The following IL13RA1 variants were observed in gnomAD, a reference collection of about 807,000 sequenced individuals.
IL13RA1 encodes interleukin-13 receptor subunit alpha-1.
A neutral mutation model predicts 33.8 loss-of-function variants in IL13RA1; 14 were observed. The ratio of observed to expected loss-of-function variants is 0.41; its 90% CI spans 0.27 to 0.65. The LOEUF (loss-of-function observed/expected upper bound fraction) is 0.65. Ranked by LOEUF, IL13RA1 falls within the 30% of genes least tolerant of loss-of-function variation. IL13RA1 has a pLI of 0.28. For missense variants in IL13RA1, 313 were observed against 327.0 expected (o/e 0.96, Z 0.33); for synonymous variants, 116 against 115.7 (o/e 1.00, Z -0.02).
intron 10 of IL13RA1, among the ~76,000 whole-genome samples, chrX:118,786,390 C>T (rs192559446): frequency 5.3e-4 from 52 of 97,202 alleles, no homozygotes; most frequent in African/African-American, 1.9e-3. Context: ...GACTCCATCT[C>T]AAAAAAAAAA....
chrX:118,759,387 A>C (rs1324585313), intron 5 of IL13RA1, among the ~76,000 whole-genome samples: 1 of 112,664 alleles, frequency 8.9e-6, no homozygotes, highest in Non-Finnish European at 1.9e-5. Flanking sequence ...CCATTAGCGT[A>C]ATGGTTTATT....
At chrX:118,783,755 TACACAC>T (rs142945515) in intron 10 of IL13RA1, among the ~76,000 whole-genome samples, 1 of 100,922 alleles carries the variant, frequency 9.9e-6, no homozygotes, top group Non-Finnish European at 2.0e-5. Flanking sequence ...AAATCCATAT[TACACAC>T]ACACACACAC....
At chrX:118,801,516 C>T in the IL13RA1 span, among the ~76,000 whole-genome samples, 1 of 111,964 alleles carries the variant, frequency 8.9e-6, no homozygotes, top group Non-Finnish European at 1.9e-5. Context: ...TGGACTGATT[C>T]TGTAATTTTC....
intron 5 of IL13RA1, among the ~76,000 whole-genome samples, chrX:118,759,385 G>GT (rs2017567646): frequency 1.8e-5 from 2 of 112,458 alleles, no homozygotes; most frequent in African/African-American, 6.5e-5. Context: ...TTCCATTAGC[G>GT]TAATGGTTTA....
At chrX:118,759,601 TTC>T (rs1397685614) in intron 5 of IL13RA1, among the ~76,000 whole-genome samples, 8 of 110,426 alleles carry the variant, frequency 7.2e-5, no homozygotes, top group Admixed American at 1.9e-4. Flanking sequence ...TTTTGCTGTT[TTC>T]CTCTCTGGAT....
chrX:118,733,736 A>C (rs1330305123), intron 1 of IL13RA1, among the ~76,000 whole-genome samples: 3 of 111,508 alleles, frequency 2.7e-5, no homozygotes, highest in Non-Finnish European at 5.7e-5. Flanking sequence ...TTTTCTTCTA[A>C]AAATTTTATA....
At chrX:118,755,671 GA>G (rs1165963957) in intron 4 of IL13RA1, among the ~76,000 whole-genome samples, 1 of 111,976 alleles carries the variant, frequency 8.9e-6, no homozygotes, top group Non-Finnish European at 1.9e-5. Flanking sequence ...TCAGGGTACA[GA>G]AATGAAAAAG....
At chrX:118,757,965 A>T in intron 4 of IL13RA1, 90 bp from the exon 5 acceptor site, 1 of 527,723 alleles carries the variant, frequency 1.9e-6, no homozygotes. Flanking sequence ...TGCTGGGATT[A>T]CAGGTGTGAG....
chrX:118,756,124 A>G (rs186434113), intron 4 of IL13RA1, among the ~76,000 whole-genome samples: 34 of 110,940 alleles, frequency 3.1e-4, no homozygotes, highest in African/African-American at 1.0e-3. Context: ...AGAGGGTTTG[A>G]GAAACCTGCA....
At chrX:118,765,634 T>C (rs2017639617) in intron 6 of IL13RA1, among the ~76,000 whole-genome samples, 2 of 112,282 alleles carry the variant, frequency 1.8e-5, no homozygotes, top group Admixed American at 9.5e-5. Flanking sequence ...ACTTGTCTCT[T>C]GGTACACATG....
intron 10 of IL13RA1, among the ~76,000 whole-genome samples, chrX:118,786,444 A>G (rs898350874): frequency 4.5e-5 from 5 of 111,522 alleles, no homozygotes; most frequent in Non-Finnish European, 7.5e-5. Flanking sequence ...CATATTGCCC[A>G]GGCTGGTCTC....
chrX:118,736,360 T>C (rs2017282240), intron 1 of IL13RA1, among the ~76,000 whole-genome samples: 1 of 111,377 alleles, frequency 9.0e-6, no homozygotes, highest in Admixed American at 9.6e-5. Flanking sequence ...TGTCTTGTGA[T>C]TCTTTGTTAG....
intron 10 of IL13RA1, among the ~76,000 whole-genome samples, chrX:118,781,308 A>G (rs1389979025): frequency 1.8e-5 from 2 of 111,601 alleles, no homozygotes; most frequent in Non-Finnish European, 3.8e-5. Context: ...ACATGGGGAT[A>G]ACATCCAAAT....
intron 10 of IL13RA1, among the ~76,000 whole-genome samples, chrX:118,780,585 G>A (rs1569458973): frequency 8.9e-6 from 1 of 112,726 alleles, no homozygotes; most frequent in Non-Finnish European, 1.9e-5. Context: ...CAGTCATGGT[G>A]GAAAGTGAAG....
chrX:118,804,487 A>G, the IL13RA1 span, among the ~76,000 whole-genome samples: 1 of 110,974 alleles, frequency 9.0e-6, no homozygotes, highest in Non-Finnish European at 1.9e-5. Flanking sequence ...GGTAGTACAG[A>G]GCATATCTGT....
intron 7 of IL13RA1, 34 bp from the exon 8 acceptor site, chrX:118,766,810 A>G: frequency 1.2e-6 from 1 of 827,164 alleles, no homozygotes; most frequent in Non-Finnish European, 1.7e-6. Context: ...ATAAACTGGT[A>G]ATATTCCTTG....
intron 1 of IL13RA1, chrX:118,738,055 T>C (rs975822162): frequency 8.9e-6 from 1 of 111,981 alleles, no homozygotes; most frequent in Non-Finnish European, 1.9e-5. Flanking sequence ...ATCCTAACTT[T>C]AGCACTGTTG....
downstream of IL13RA1, chrX:118,794,569 T>TGGTG (rs761319504): frequency 2.7e-5 from 3 of 111,883 alleles, no homozygotes; most frequent in Non-Finnish European, 5.6e-5. Context: ...TTTGGGGAAA[T>TGGTG]GGTGGGAGGT....
At position 118,757,678 on chromosome X, in the gene IL13RA1, C is replaced by CTT. The variant is rs765835021; in HGVS notation, c.489-348_489-347dup. Among the ~76,000 whole-genome samples, 456 of 58,350 alleles carry CTT rather than the reference C, an allele frequency of 7.8e-3. 84 individuals carry two copies. The highest frequency in any genetic ancestry group is 0.011 in the Middle Eastern group (1 of 91). The allele number at this position is 58,350 out of a possible 115,157, so 50.7% of individuals were successfully genotyped here. On this transcript the variant is annotated intron_variant, in intron 4 of 10. Coordinates refer to ENST00000371666, the MANE Select transcript of IL13RA1 (RefSeq NM_001560.3). ...TCTCAGTCATTAAAAAGAATTCTGC[C>CTT]TTTTTTTTTTTTTTTTTTTTTTTTT...
Sources: allele counts gnomAD v4.1 joint callset (sites outside exome capture counted in the v4.1 genomes callset), GRCh38; gene constraint gnomAD v4.1.1; transcripts MANE v1.5; gene names NCBI Gene and HGNC (gene_info 2026-07-23, HGNC 2026-07-21).